ACAT1: variants seen among roughly 807,000 people sequenced by gnomAD.
The protein encoded by ACAT1 is acetyl-CoA acetyltransferase 1, also known as acetyl-CoA acetyltransferase, mitochondrial.
ACAT1 carries 28 observed loss-of-function variants against 47.3 expected under a neutral mutation model. That is an observed-to-expected ratio of 0.59 (90% CI 0.44 to 0.81). The LOEUF (loss-of-function observed/expected upper bound fraction) is 0.81, where lower values mean the gene tolerates loss of function less well. Among genes scored for constraint, ACAT1 ranks in the 30% least tolerant of loss-of-function variants. ACAT1 has a pLI of 0.00. For missense variants in ACAT1, 469 were observed against 524.3 expected (o/e 0.89, Z 1.03); for synonymous variants, 181 against 173.6 (o/e 1.04, Z -0.34).
upstream of ACAT1, among the ~76,000 whole-genome samples, chr11:108,117,606 G>A (rs1177795871): frequency 6.6e-6 from 1 of 152,056 alleles, no homozygotes; most frequent in Non-Finnish European, 1.5e-5. Flanking sequence ...ACCACACCTG[G>A]CCAGAGACCC....
chr11:108,140,082 T>C lies in ACAT1; in HGVS notation c.597T>C (p.Asn199=). Residue 199 remains asparagine, a synonymous_variant, in exon 7 of 12, where the codon AAT becomes AAC. Coordinates refer to ENST00000265838, the MANE Select transcript of ACAT1 (RefSeq NM_000019.4). ...NKIHMGSCAE[N]TAKKLNIARN... The stretch of plus-strand genomic sequence containing the variant: ...TTTATCAGGGCAGCTGTGCTGAGAA[T>C]ACAGCAAAGAAGCTGAATATTGCAC... The C allele has an allele frequency of 6.2e-7, 1 of 1,614,072 alleles. No homozygotes were observed. Among genetic ancestry groups the C allele is most frequent in the East Asian group, 2.2e-5 (1 of 44,856 alleles).
At chr11:108,139,878 C>T in intron 6 of ACAT1, 187 bp from the exon 7 acceptor site, 1 of 590,694 alleles carries the variant, frequency 1.7e-6, no homozygotes, top group Non-Finnish European at 2.8e-6. Context: ...GTCTTGATCT[C>T]CTGACCTCAT....
At chr11:108,118,337 C>T (rs1369071432), upstream of ACAT1, among the ~76,000 whole-genome samples, 1 of 152,068 alleles carries the variant, frequency 6.6e-6, no homozygotes, top group African/African-American at 2.4e-5. Flanking sequence ...CATTCCAACA[C>T]TCCATTTCTA....
Position 108,146,183 on chromosome 11 carries a change from G to C in ACAT1, c.1006-19G>C, listed in dbSNP as rs376613351. 6.3e-6 allele frequency: 10 copies of C among 1,580,876 alleles called. No homozygotes were observed. In the South Asian group the frequency reaches 1.1e-4, roughly 18 times the overall value. On this transcript the variant is annotated intron_variant, in intron 10 of 11. Transcript: ENST00000265838. ...ATTGCTAATTATTTGAACATCATCT[G>C]TCTTTTAAAAAATTTAAGGTTCTTA... is the stretch of plus-strand genomic sequence containing the variant.
intron 11 of ACAT1, 122 bp downstream of exon 11, chr11:108,146,481 C>A: frequency 9.2e-7 from 1 of 1,081,402 alleles, no homozygotes; most frequent in Non-Finnish European, 1.4e-6. Flanking sequence ...TTTCATAAGG[C>A]AAAAACCATT....
At chr11:108,134,924 G>T (rs1451648295) in intron 4 of ACAT1, among the ~76,000 whole-genome samples, 12 of 136,536 alleles carry the variant, frequency 8.8e-5, no homozygotes. Context: ...CAGCTTGGGG[G>T]ACAGAGTGAG....
chr11:108,135,492 C>G (rs2077451664), intron 5 of ACAT1, among the ~76,000 whole-genome samples: 1 of 151,736 alleles, frequency 6.6e-6, no homozygotes, highest in Non-Finnish European at 1.5e-5. Flanking sequence ...GAGTTTGAGA[C>G]CAGCGTAGGC....
chr11:108,147,512 T>TAA lies in ACAT1; in HGVS notation c.*123_*124dup, dbSNP rs2077745437. On this transcript the variant is annotated 3_prime_UTR_variant, in exon 12 of 12. Coordinates refer to ENST00000265838, the MANE Select transcript of ACAT1 (RefSeq NM_000019.4). ...TTTCATTTTTTATTATTTTCTATGT[T>TAA]AACTTTTAAAAATCAAAATGATGAA... 1 of 1,291,138 alleles carries TAA rather than the reference T, an allele frequency of 7.7e-7. No homozygotes were observed. Among genetic ancestry groups the TAA allele is most frequent in the African/African-American group, 1.5e-5 (1 of 66,748 alleles). The allele number at this position is 1,291,138 out of a possible 1,614,324, so 80.0% of individuals were successfully genotyped here. A position where few individuals can be genotyped will look rare whatever the true frequency, so the allele number is the denominator to read the frequency against.
chr11:108,146,185 CTT>C lies in ACAT1; in HGVS notation c.1006-14_1006-13del, dbSNP rs768887373. On this transcript the variant is annotated splice_polypyrimidine_tract_variant and intron_variant, in intron 10 of 11. Transcript: ENST00000265838. ...TGCTAATTATTTGAACATCATCTGT[CTT>C]TTAAAAAATTTAAGGTTCTTAAAGA... 5.7e-6 allele frequency: 9 copies of C among 1,587,216 alleles called. No homozygotes were observed. The highest frequency in any genetic ancestry group is 3.3e-5 in the South Asian group (3 of 90,364).
chr11:108,123,895 C>T (rs979213036), intron 1 of ACAT1, among the ~76,000 whole-genome samples: 2 of 152,066 alleles, frequency 1.3e-5, no homozygotes, highest in African/African-American at 4.8e-5. Flanking sequence ...GTGTTTTGAT[C>T]CAGTTTTATT....
chr11:108,117,046 A>AG (rs1348379486), upstream of ACAT1, among the ~76,000 whole-genome samples: 49 of 152,106 alleles, frequency 3.2e-4, no homozygotes, highest in Admixed American at 3.2e-3. Flanking sequence ...TGCCTTTATT[A>AG]ATAGATTGGG....
Position 108,146,353 on chromosome 11 carries a change from C to T in ACAT1, c.1157C>T (p.Pro386Leu), listed in dbSNP as rs938419008. The T allele has an allele frequency of 6.2e-7, 1 of 1,613,818 alleles. No homozygotes were observed. The highest frequency in any genetic ancestry group is 8.5e-7 in the Non-Finnish European group (1 of 1,179,862). Residue 386 changes from proline to leucine, a missense_variant, in exon 11 of 12, where the codon CCA becomes CTA. Transcript: ENST00000265838. Reference sequence around the variant, plus strand: ...GGAGGAGCTGTTTCTCTGGGACATCCAATTGGGTAGGTAAAAATAATAACT... The same window carrying T: ...GGAGGAGCTGTTTCTCTGGGACATCTAATTGGGTAGGTAAAAATAATAACT... ...INGGAVSLGH[P>L]IGMSGARIVG...
chr11:108,124,497 C>T (rs2077213359), intron 1 of ACAT1, among the ~76,000 whole-genome samples: 1 of 152,048 alleles, frequency 6.6e-6, no homozygotes, highest in Admixed American at 6.6e-5. Flanking sequence ...TCCTGACCAG[C>T]TCACCAGGTG....
Position 108,147,543 on chromosome 11 carries a change from A to T in ACAT1, c.*153A>T. The T allele has an allele frequency of 9.7e-7, 1 of 1,036,084 alleles. No homozygotes were observed. The highest frequency in any genetic ancestry group is 1.4e-6 in the Non-Finnish European group (1 of 722,594). 64.2% of individuals were successfully genotyped at this position (1,036,084 alleles called of 1,614,324 possible). ...TTAAAAATCAAAATGATGAAATCCC[A>T]AAACATTTTGAAATTAAAAATAAAT... On this transcript the variant is annotated 3_prime_UTR_variant, in exon 12 of 12. Transcript: ENST00000265838.
chr11:108,141,758 C>A, intron 8 of ACAT1, 58 bp downstream of exon 8: 1 of 1,151,588 alleles, frequency 8.7e-7, no homozygotes, highest in Admixed American at 1.9e-5. Context: ...ATATCTAGTT[C>A]TTAGAATTGC....
At chr11:108,141,915 T>G (rs2077595650) in intron 8 of ACAT1, among the ~76,000 whole-genome samples, 2 of 152,192 alleles carry the variant, frequency 1.3e-5, no homozygotes, top group African/African-American at 4.8e-5. Context: ...TAGAATTCAG[T>G]TTTTCATATG....
At chr11:108,129,263 A>G (rs904042196) in intron 1 of ACAT1, 4 of 151,914 alleles carry the variant, frequency 2.6e-5, no homozygotes, top group Non-Finnish European at 5.9e-5. Context: ...TATATACCAC[A>G]TTTGCTTTAT....
chr11:108,118,380 C>CT (rs879572051), upstream of ACAT1, among the ~76,000 whole-genome samples: 923 of 146,874 alleles, frequency 6.3e-3, 6 homozygotes, highest in African/African-American at 0.018. Context: ...TAGTCACTTT[C>CT]TTTTTTTTTT....
rs142869776 is a variant in ACAT1 at position 108,131,947 on chromosome 11, C to A, written c.113C>A (p.Thr38Asn). 1 of 1,504,990 alleles carries A rather than the reference C, an allele frequency of 6.6e-7. No homozygotes were observed. The highest frequency in any genetic ancestry group is 9.2e-7 in the Non-Finnish European group (1 of 1,087,058). 93.2% of individuals were successfully genotyped at this position (1,504,990 alleles called of 1,614,324 possible). The change falls in exon 2 of 12, where the codon ACT becomes AAT. Residue 38 changes from threonine (T) to asparagine (N), a missense_variant. Physicochemically the swap from Thr to Asn is moderately conservative, Grantham distance 65 (BLOSUM62 0). Coordinates refer to ENST00000265838, the MANE Select transcript of ACAT1 (RefSeq NM_000019.4). ...GAACGGAGTTATGTATCAAAACCCACTTTGAAGGTAAGTAATTTAAATTGT... is the reference window on the plus strand; with the variant it reads ...GAACGGAGTTATGTATCAAAACCCAATTTGAAGGTAAGTAATTTAAATTGT... ...YVERSYVSKPTLKEVVIVSAT... is the reference protein window; with the variant it reads ...YVERSYVSKPNLKEVVIVSAT...
Sources: gnomAD v4.1 joint callset for allele counts (sites outside exome capture counted in the v4.1 genomes callset) on GRCh38, gnomAD v4.1.1 for gene constraint, MANE v1.5 for transcripts, NCBI Gene and HGNC (gene_info 2026-07-23, HGNC 2026-07-21) for gene names.